SUN3: variants seen among roughly 807,000 people sequenced by gnomAD.
SUN3 encodes Sad1 and UNC84 domain containing 3.
Under a neutral mutation model 48.2 loss-of-function variants are expected in SUN3, and 36 were observed. That is an observed-to-expected ratio of 0.75 (90% CI 0.57 to 0.99). The LOEUF is 0.99. Ranked by LOEUF, SUN3 falls within the 50% of genes least tolerant of loss-of-function variation. The pLI, the probability that SUN3 is intolerant of heterozygous loss-of-function variation, is 0.00. For missense variants in SUN3, 419 were observed against 433.1 expected (o/e 0.97, Z 0.29); for synonymous variants, 148 against 147.9 (o/e 1.00, Z 0.00).
At chr7:47,993,534 T>A (rs1041983114) in intron 8 of SUN3, among the ~76,000 whole-genome samples, 6 of 152,182 alleles carry the variant, frequency 3.9e-5, no homozygotes, top group Non-Finnish European at 7.3e-5. Flanking sequence ...GAAAACAGTA[T>A]GCAAAGTTAA....
intron 3 of SUN3, among the ~76,000 whole-genome samples, chr7:48,009,380 G>T (rs541729176): frequency 2.0e-5 from 3 of 152,280 alleles, no homozygotes; most frequent in South Asian, 4.1e-4. Context: ...CAGTCTGAGA[G>T]GGAGGTTGGA....
chr7:48,029,029 A>T lies in SUN3; in HGVS notation c.-91T>A. 1 of 1,558,026 alleles carries T rather than the reference A, an allele frequency of 6.4e-7. No individual in the cohort carries two copies. Reference sequence around the variant, plus strand: ...ATGAAAAACATGAAGCTATACATACAGTTTCTAAATTTGTTTTGTATAATG... The same window carrying T: ...ATGAAAAACATGAAGCTATACATACTGTTTCTAAATTTGTTTTGTATAATG... On this transcript the variant is annotated 5_prime_UTR_variant, in exon 1 of 10. Coordinates refer to ENST00000297325, the MANE Select transcript of SUN3 (RefSeq NM_001030019.2).
chr7:47,995,536 A>G (rs542108187), intron 7 of SUN3, among the ~76,000 whole-genome samples: 62 of 152,356 alleles, frequency 4.1e-4, no homozygotes, highest in African/African-American at 1.4e-3. Flanking sequence ...TCTGCTGTCT[A>G]TTGATGGCTA....
chr7:48,029,136 C>T (rs1229883898), upstream of SUN3: 5 of 722,348 alleles, frequency 6.9e-6, no homozygotes, highest in Non-Finnish European at 1.1e-5. Context: ...TCCTCCGTGA[C>T]ACCTCATAAT....
At chr7:48,027,910 TTGG>T (rs1583787414) in intron 1 of SUN3, among the ~76,000 whole-genome samples, 1 of 152,198 alleles carries the variant, frequency 6.6e-6, no homozygotes, top group East Asian at 1.9e-4. Flanking sequence ...AAGAGCTCTT[TTGG>T]TGGGCTGCAT....
At chr7:47,991,092 C>G in intron 8 of SUN3, 2 of 451,604 alleles carry the variant, frequency 4.4e-6, no homozygotes, top group Non-Finnish European at 8.9e-6. Context: ...CAAAACAAAA[C>G]AAACCAAAAA....
At chr7:48,001,907 A>G (rs1228412972) in intron 6 of SUN3, among the ~76,000 whole-genome samples, 1 of 152,080 alleles carries the variant, frequency 6.6e-6, no homozygotes, top group Non-Finnish European at 1.5e-5. Context: ...ATAACACAAC[A>G]ATTTACATTC....
At chr7:48,022,587 G>T (rs1036860843) in intron 2 of SUN3, among the ~76,000 whole-genome samples, 1 of 151,668 alleles carries the variant, frequency 6.6e-6, no homozygotes, top group African/African-American at 2.4e-5. Context: ...TTTTAAATAA[G>T]AAAAAGAACA....
At chr7:48,034,656 C>T in the SUN3 span, among the ~76,000 whole-genome samples, 1 of 152,252 alleles carries the variant, frequency 6.6e-6, no homozygotes, top group Admixed American at 6.5e-5. Context: ...TGCGCCATAG[C>T]TGTTGGTGTC....
In SUN3 at chr7:48,009,016, AG is replaced by A; in HGVS notation, c.329+18del. On this transcript the variant is annotated intron_variant, in intron 4 of 9. Coordinates refer to ENST00000297325, the MANE Select transcript of SUN3 (RefSeq NM_001030019.2). ...GAAACCACACCAAAAAGAGGCATAT[AG>A]CAAAAGATCGCACTCACTTTAAAAG... 6.2e-7 allele frequency: 1 copy of A among 1,608,014 alleles called. No homozygotes were observed. The highest frequency in any genetic ancestry group is 1.7e-4 in the Middle Eastern group (1 of 5,900).
chr7:48,027,347 T>C (rs1790162890), intron 1 of SUN3, among the ~76,000 whole-genome samples: 1 of 152,200 alleles, frequency 6.6e-6, no homozygotes, highest in African/African-American at 2.4e-5. Flanking sequence ...AAGACAAGTA[T>C]GTATTTCATT....
rs750245825 is a variant in SUN3 at position 48,007,184 on chromosome 7, T to C, written c.473A>G (p.Glu158Gly). 1.8e-4 allele frequency: 284 copies of C among 1,579,944 alleles called. No homozygotes were observed. Among genetic ancestry groups the C allele is most frequent in the Non-Finnish European group, 2.4e-4 (281 of 1,157,742 alleles). Reference protein sequence around the residue: ...HNWNTHGDPVEDPDHTEEVSN... With the variant: ...HNWNTHGDPVGDPDHTEEVSN... Reference sequence around the variant, plus strand: ...CAGGACCTCTGTGTGGTCCGGGTCCTCCACAGGGTCTCCATGGGTGTTCCA... The same window carrying C: ...CAGGACCTCTGTGTGGTCCGGGTCCCCCACAGGGTCTCCATGGGTGTTCCA... The change falls in exon 5 of 10, where the codon GAG (glutamate) becomes GGG (glycine). Residue 158 changes from glutamate to glycine, a missense_variant. Glu to Gly is a moderately conservative substitution (Grantham distance 98). Transcript: ENST00000297325.
At chr7:48,030,359 C>T (rs1167561217), upstream of SUN3, among the ~76,000 whole-genome samples, 1 of 152,208 alleles carries the variant, frequency 6.6e-6, no homozygotes, top group East Asian at 1.9e-4. Context: ...GGCCTTTCCA[C>T]CCGGCATCTG....
intron 6 of SUN3, chr7:48,000,233 GTTGAAGCT>G (rs1789324111): frequency 6.6e-6 from 1 of 152,288 alleles, no homozygotes. Context: ...CGCATCCTGG[GTTGAAGCT>G]ATTCTCCTGC....
intron 2 of SUN3, among the ~76,000 whole-genome samples, chr7:48,017,862 C>G (rs989658074): frequency 6.6e-6 from 1 of 152,048 alleles, no homozygotes; most frequent in African/African-American, 2.4e-5. Flanking sequence ...CTATAGCTTT[C>G]TAGGAAGTGG....
intron 4 of SUN3, among the ~76,000 whole-genome samples, chr7:48,007,733 T>C (rs1002665817): frequency 9.9e-5 from 15 of 152,162 alleles, no homozygotes; most frequent in African/African-American, 3.6e-4. Context: ...TGGAAGTGCC[T>C]TGGGCAAGGG....
Position 48,028,809 on chromosome 7 carries a change from TTACC to T in SUN3, c.122+4_122+7del. On this transcript the variant is annotated splice_donor_5th_base_variant and intron_variant, in intron 1 of 9. Transcript: ENST00000297325. ...TTTCAGGCACACCGTTCTGCCATGT[TTACC>T]TACCCATTCGCATCAGGATTTTCGT... is the stretch of plus-strand genomic sequence containing the variant. 3.1e-6 allele frequency: 5 copies of T among 1,613,510 alleles called. No individual in the cohort carries two copies. The highest frequency in any genetic ancestry group is 4.2e-6 in the Non-Finnish European group (5 of 1,179,582).
At chr7:48,026,102 A>T (rs1373207374) in intron 1 of SUN3, among the ~76,000 whole-genome samples, 164 bp from the exon 2 acceptor site, 1 of 152,112 alleles carries the variant, frequency 6.6e-6, no homozygotes, top group African/African-American at 2.4e-5. Flanking sequence ...CTATTTTTTA[A>T]ATTGAGAGAA....
Position 48,028,988 on chromosome 7 carries a change from T to C in SUN3, c.-50A>G. 2.5e-6 allele frequency: 4 copies of C among 1,610,154 alleles called. No homozygotes were observed. Among genetic ancestry groups the C allele is most frequent in the Non-Finnish European group, 3.4e-6 (4 of 1,178,860 alleles). On this transcript the variant is annotated 5_prime_UTR_variant, in exon 1 of 10. Transcript: ENST00000297325. ...CTGGTAGGATGAAGAGCAACATTTG[T>C]CCTCATTCCTATTTTATGAAAAACA...
Sources: gnomAD v4.1 joint callset for allele counts (sites outside exome capture counted in the v4.1 genomes callset) on GRCh38, gnomAD v4.1.1 for gene constraint, MANE v1.5 for transcripts, NCBI Gene and HGNC (gene_info 2026-07-23, HGNC 2026-07-21) for gene names.